Variants in PWWP3B observed in about 807,000 individuals in gnomAD.
The protein encoded by PWWP3B is PWWP domain-containing DNA repair factor 3B.
PWWP3B carries 5 observed loss-of-function variants against 15.7 expected under a neutral mutation model. The observed-to-expected ratio is 0.32, with a 90% CI of 0.17 to 0.67. The LOEUF (loss-of-function observed/expected upper bound fraction) is 0.67, where lower values mean the gene tolerates loss of function less well. Among genes scored for constraint, PWWP3B ranks in the 30% least tolerant of loss-of-function variants. PWWP3B has a pLI of 0.74. For synonymous variants in PWWP3B, 203 were observed against 179.8 expected, an observed-to-expected ratio of 1.13 and a Z score of -1.03; for missense variants, 519 against 493.1, an observed-to-expected ratio of 1.05 and a Z score of -0.50.
rs751884267 is a variant in PWWP3B, at chrX:106,205,723, G to C, written c.291G>C (p.Leu97=). ...GRSLKVALGI[L]NERTNLSQAS... ...CACTAAAAGTGGCACTGGGTATTCT[G>C]AATGAGAGAACAAATTTGAGTCAAG... is the stretch of plus-strand genomic sequence containing the variant. The change falls in exon 4 of 4, where the codon CTG becomes CTC. Residue 97 remains leucine, a synonymous_variant. Transcript: ENST00000357175. The C allele has an allele frequency of 6.6e-6, 8 of 1,210,035 alleles. No individual in the cohort carries two copies. In the Admixed American group the frequency reaches 1.5e-4, roughly 23 times the overall value.
chrX:106,178,597 G>C (rs1286628990), intron 2 of PWWP3B, among the ~76,000 whole-genome samples: 2 of 111,505 alleles, frequency 1.8e-5, no homozygotes, highest in Non-Finnish European at 3.8e-5. Flanking sequence ...AACAAAATCA[G>C]AAAAAAGATT....
In PWWP3B at chrX:106,185,661, C is replaced by T. The variant is rs868557155; in HGVS notation, c.-401+14522C>T. Among the ~76,000 whole-genome samples, 5 of 111,775 alleles carry T rather than the reference C, an allele frequency of 4.5e-5. 1 individual carries two copies. Among genetic ancestry groups the T allele is most frequent in the Admixed American group, 2.8e-4 (3 of 10,559 alleles). On this transcript the variant is annotated intron_variant, in intron 2 of 3. Transcript: ENST00000357175. Reference sequence around the variant, plus strand: ...GGATATAGTGGCCCTGACACATTCTCGAAAACCTGTTAGAGTCCTATGCGC... The same window carrying T: ...GGATATAGTGGCCCTGACACATTCTTGAAAACCTGTTAGAGTCCTATGCGC...
chrX:106,168,609 C>T lies in PWWP3B; in HGVS notation c.-529+184C>T, dbSNP rs756378841. On this transcript the variant is annotated intron_variant, in intron 1 of 3. Transcript: ENST00000357175. The stretch of plus-strand genomic sequence containing the variant: ...TGGAAAAATATTCTTAAAGAGGTAG[C>T]AAAAGCTAACTTTTTAATAGAGCAT... Among the ~76,000 whole-genome samples the T allele has an allele frequency of 4.5e-5, 5 of 112,245 alleles. No homozygotes were observed. In the South Asian group the frequency reaches 1.8e-3, roughly 41 times the overall value.
intron 2 of PWWP3B, among the ~76,000 whole-genome samples, chrX:106,184,997 C>T (rs1310862918): frequency 1.8e-5 from 2 of 111,539 alleles, no homozygotes; most frequent in African/African-American, 3.3e-5. Flanking sequence ...CTGAGAGGTT[C>T]TGCTGTGGGA....
intron 2 of PWWP3B, among the ~76,000 whole-genome samples, chrX:106,200,510 A>G (rs1923634666): frequency 9.0e-6 from 1 of 111,214 alleles, no homozygotes; most frequent in African/African-American, 3.3e-5. Context: ...TTATATATAT[A>G]TGAGTAATAC....
intron 2 of PWWP3B, among the ~76,000 whole-genome samples, chrX:106,187,392 T>G (rs1159170256): frequency 1.8e-5 from 2 of 111,783 alleles, no homozygotes; most frequent in African/African-American, 3.3e-5. Flanking sequence ...TATTGGCATG[T>G]GTAAGTTTTG....
intron 2 of PWWP3B, among the ~76,000 whole-genome samples, chrX:106,188,154 A>G (rs1312752626): frequency 1.8e-5 from 2 of 111,676 alleles, no homozygotes; most frequent in East Asian, 5.6e-4. Flanking sequence ...TATGTCCTGT[A>G]CTAACTAACT....
Position 106,207,097 on chromosome X carries a change from C to A in PWWP3B, c.1665C>A (p.Asn555Lys). The change falls in exon 4 of 4, where the codon AAC (asparagine) becomes AAA (lysine). Residue 555 changes from asparagine (N) to lysine (K), a missense_variant. Transcript: ENST00000357175. ...CTGCTCGGGACCGAGCCAACAAGAA[C>A]CTGGTGGACTTCATTGTGAATGCAA... is the stretch of plus-strand genomic sequence containing the variant. ...MKAARDRANK[N>K]LVDFIVNAKG... is the part of the protein sequence containing the mutation. 4 of 1,206,908 alleles carry A rather than the reference C, an allele frequency of 3.3e-6. No individual in the cohort carries two copies. The highest frequency in any genetic ancestry group is 4.5e-6 in the Non-Finnish European group (4 of 892,813).
rs768141910 is a variant in PWWP3B at position 106,206,734 on chromosome X, G to A, written c.1302G>A (p.Lys434=). The stretch of plus-strand genomic sequence containing the variant: ...AGGCAAACATGAATTCTGAAAAGAA[G>A]GGCATTAGAGTAAATTTTAGAAGAT... The part of the protein sequence containing the change: ...FVEANMNSEK[K]GIRVNFRRLK... The change falls in exon 4 of 4, where the codon AAG becomes AAA. Residue 434 remains lysine (K), a synonymous_variant. Transcript: ENST00000357175. 4.6e-5 allele frequency: 55 copies of A among 1,207,759 alleles called. No homozygotes were observed. In the East Asian group the frequency reaches 1.6e-3, roughly 35 times the overall value.
chrX:106,190,922 G>A (rs1401541556), intron 2 of PWWP3B, among the ~76,000 whole-genome samples: 1 of 111,471 alleles, frequency 9.0e-6, no homozygotes, highest in Non-Finnish European at 1.9e-5. Flanking sequence ...TTTGGTACCA[G>A]TACCATGCTG....
intron 2 of PWWP3B, among the ~76,000 whole-genome samples, chrX:106,203,223 G>A (rs1923801805): frequency 8.9e-6 from 1 of 111,837 alleles, no homozygotes; most frequent in South Asian, 3.7e-4. Context: ...TTTGTCTAGA[G>A]TTGTACTTTA....
chrX:106,200,875 C>A (rs1923659170), intron 2 of PWWP3B, among the ~76,000 whole-genome samples: 1 of 109,286 alleles, frequency 9.2e-6, no homozygotes, highest in Admixed American at 9.8e-5. Context: ...GGTGAAACCC[C>A]TTCTCTACTA....
chrX:106,194,898 G>T (rs945952395), intron 2 of PWWP3B, among the ~76,000 whole-genome samples: 2 of 111,553 alleles, frequency 1.8e-5, no homozygotes, highest in Admixed American at 9.5e-5. Context: ...TTGTTCCTCT[G>T]GAAGTTTTAT....
rs373063395 is a variant in PWWP3B at position 106,207,374 on chromosome X, T to G, written c.1942T>G (p.Ser648Ala). The stretch of plus-strand genomic sequence containing the variant: ...TCTTCTGCCAGAAGCAATTATTTGT[T>G]CAATTTCTGCTGTTGATGGGTTAGA... ...EVLLPEAIIC[S>A]ISAVDGLDYE... Residue 648 changes from serine to alanine, a missense_variant, in exon 4 of 4, where the codon TCA becomes GCA. Coordinates refer to ENST00000357175, the MANE Select transcript of PWWP3B (RefSeq NM_001171020.2). 3 of 1,176,900 alleles carry G rather than the reference T, an allele frequency of 2.5e-6. No individual in the cohort carries two copies. The highest frequency in any genetic ancestry group is 3.5e-5 in the African/African-American group (2 of 56,362).
At chrX:106,194,076 G>C (rs943533384) in intron 2 of PWWP3B, among the ~76,000 whole-genome samples, 1 of 111,095 alleles carries the variant, frequency 9.0e-6, no homozygotes, top group African/African-American at 3.3e-5. Flanking sequence ...TCCTGAATTT[G>C]AATGTTGGCC....
In PWWP3B at chrX:106,206,132, G is replaced by A. The variant is rs1329842665; in HGVS notation, c.700G>A (p.Glu234Lys). Residue 234 changes from glutamate to lysine, a missense_variant, in exon 4 of 4, where the codon GAA becomes AAA. Glu to Lys is a moderately conservative substitution (Grantham distance 56, BLOSUM62 1). Transcript: ENST00000357175. ...AGAGGAAAGTGCATGTGTTAAAGAT[G>A]AAAAGTTTGCTCCACCTTTGTCACC... ...VKEESACVKD[E>K]KFAPPLSPLS... The A allele has an allele frequency of 8.3e-7, 1 of 1,210,860 alleles. No individual in the cohort carries two copies.
intron 2 of PWWP3B, among the ~76,000 whole-genome samples, chrX:106,197,545 G>A (rs1320205586): frequency 8.9e-6 from 1 of 112,218 alleles, no homozygotes; most frequent in Admixed American, 9.4e-5. Flanking sequence ...CAGTGACATG[G>A]ACTCTTTTAG....
At chrX:106,193,943 C>A (rs1031704821) in intron 2 of PWWP3B, among the ~76,000 whole-genome samples, 2 of 111,532 alleles carry the variant, frequency 1.8e-5, no homozygotes, top group African/African-American at 6.5e-5. Flanking sequence ...TTGTGGGTAA[C>A]CTCACCTTTC....
intron 2 of PWWP3B, among the ~76,000 whole-genome samples, chrX:106,178,201 C>T (rs1922000862): frequency 8.9e-6 from 1 of 111,816 alleles, no homozygotes; most frequent in African/African-American, 3.3e-5. Context: ...CAGGTACAGC[C>T]ATGGTCAGCA....
Sources: allele counts gnomAD v4.1 joint callset (sites outside exome capture counted in the v4.1 genomes callset), GRCh38; gene constraint gnomAD v4.1.1; transcripts MANE v1.5; gene names NCBI Gene and HGNC (gene_info 2026-07-23, HGNC 2026-07-21).